GAB1: variants seen among roughly 807,000 people sequenced by gnomAD.
The protein encoded by GAB1 is GRB2-associated-binding protein 1.
GAB1 carries 19 observed loss-of-function variants against 66.5 expected under a neutral mutation model. That is an observed-to-expected ratio of 0.29 (90% CI 0.20 to 0.42). The LOEUF is 0.42. Among genes scored for constraint, GAB1 ranks in the 10% least tolerant of loss-of-function variants. The pLI is 1.00. For synonymous variants in GAB1, 294 were observed against 301.4 expected (o/e 0.98, Z 0.25); for missense variants, 732 against 858.5 (o/e 0.85, Z 1.84).
At chr4:143,427,332 A>G (rs1246412993) in intron 2 of GAB1, among the ~76,000 whole-genome samples, 1 of 152,174 alleles carries the variant, frequency 6.6e-6, no homozygotes, top group Non-Finnish European at 1.5e-5. Flanking sequence ...AGGCTTATCT[A>G]AGGGTTCCTG....
chr4:143,339,372 G>A lies in GAB1; in HGVS notation c.72+2112G>A, dbSNP rs552424256. On this transcript the variant is annotated intron_variant, in intron 1 of 9. Transcript: ENST00000262994. The stretch of plus-strand genomic sequence containing the variant: ...CTAAAAATACAAAAAATAGCCGGGC[G>A]TGGTGGTGTACGCCTGTAATCCCAG... Among the ~76,000 whole-genome samples, 13 of 152,322 alleles carry A rather than the reference G, an allele frequency of 8.5e-5. No homozygotes were observed. In the South Asian group the frequency reaches 2.7e-3, roughly 32 times the overall value.
At chr4:143,391,007 C>T (rs777792747) in intron 1 of GAB1, among the ~76,000 whole-genome samples, 5 of 152,190 alleles carry the variant, frequency 3.3e-5, no homozygotes, top group East Asian at 1.9e-4. Context: ...GTCACATGGC[C>T]GCCCACATCT....
chr4:143,355,490 C>T (rs300913), intron 1 of GAB1, among the ~76,000 whole-genome samples: 101,050 of 151,990 alleles, frequency 0.66, 33,932 homozygotes, highest in African/African-American at 0.75. Flanking sequence ...TTTTTAAGTG[C>T]ACGGCACAGT....
chr4:143,464,126 A>T (rs1305386673), intron 8 of GAB1, among the ~76,000 whole-genome samples: 2 of 152,218 alleles, frequency 1.3e-5, no homozygotes, highest in Non-Finnish European at 2.9e-5. Flanking sequence ...TTTCATGATG[A>T]TTCCAGTTTC....
In GAB1 at chr4:143,375,214, C is replaced by T. The variant is rs112827224; in HGVS notation, c.72+37954C>T. 2.8e-3 allele frequency among the ~76,000 whole-genome samples: 419 copies of T among 152,340 alleles called. 3 individuals are homozygous for T. Among genetic ancestry groups the T allele is most frequent in the African/African-American group, 9.6e-3 (401 of 41,582 alleles). ...GTGCCCGCCTTGGCCTCCCAAAGTG[C>T]TGGGATTACAGGCATCAGCCACTGC... On this transcript the variant is annotated intron_variant, in intron 1 of 9. Transcript: ENST00000262994.
intron 6 of GAB1, among the ~76,000 whole-genome samples, chr4:143,446,600 A>G (rs1734558700): frequency 6.6e-6 from 1 of 152,142 alleles, no homozygotes; most frequent in Non-Finnish European, 1.5e-5. Flanking sequence ...TTCTTTTGAG[A>G]AGTGTCTGTT....
intron 7 of GAB1, among the ~76,000 whole-genome samples, chr4:143,460,065 T>C (rs1397307066): frequency 6.6e-6 from 1 of 152,064 alleles, no homozygotes; most frequent in Admixed American, 6.6e-5. Flanking sequence ...AAAATAGAAA[T>C]TCTTAAGTCT....
intron 6 of GAB1, among the ~76,000 whole-genome samples, chr4:143,450,845 C>G (rs1248806311): frequency 6.6e-6 from 1 of 151,302 alleles, no homozygotes; most frequent in Non-Finnish European, 1.5e-5. Flanking sequence ...GAGCTGAGAT[C>G]ATGCTACTGC....
intron 6 of GAB1, among the ~76,000 whole-genome samples, chr4:143,444,506 T>C (rs949032195): frequency 3.9e-5 from 6 of 152,202 alleles, no homozygotes; most frequent in African/African-American, 1.4e-4. Flanking sequence ...GGTGACTCTT[T>C]TGGCACAGTG....
At chr4:143,436,014 A>G (rs1170684571) in intron 3 of GAB1, among the ~76,000 whole-genome samples, 1 of 152,206 alleles carries the variant, frequency 6.6e-6, no homozygotes, top group African/African-American at 2.4e-5. Flanking sequence ...AGCTTTACTT[A>G]TTACTCATAA....
chr4:143,351,042 A>G (rs1406653561), intron 1 of GAB1, among the ~76,000 whole-genome samples: 1 of 152,050 alleles, frequency 6.6e-6, no homozygotes, highest in Non-Finnish European at 1.5e-5. Flanking sequence ...AGGGGCTCTG[A>G]CCCCACCGCA....
At chr4:143,438,649 C>T (rs917184735) in intron 4 of GAB1, 49 bp downstream of exon 4, 7 of 1,549,840 alleles carry the variant, frequency 4.5e-6, no homozygotes, top group Admixed American at 3.9e-5. Flanking sequence ...GATAGAAAAT[C>T]GATTTTTCTG....
At chr4:143,401,395 A>G (rs1288644415) in intron 1 of GAB1, among the ~76,000 whole-genome samples, 1 of 152,206 alleles carries the variant, frequency 6.6e-6, no homozygotes, top group Non-Finnish European at 1.5e-5. Flanking sequence ...TGTTTTAGTC[A>G]TTATTTGCTT....
At chr4:143,439,950 G>T in intron 5 of GAB1, 63 bp downstream of exon 5, 1 of 1,404,152 alleles carries the variant, frequency 7.1e-7, no homozygotes, top group Non-Finnish European at 1.0e-6. Context: ...CATAATTAGT[G>T]CCATGAGACT....
rs188005142 is a variant in GAB1, at chr4:143,428,221, C to G, written c.368-5270C>G. On this transcript the variant is annotated intron_variant, in intron 2 of 9. Coordinates refer to ENST00000262994, the MANE Select transcript of GAB1 (RefSeq NM_002039.4). ...CTTCCATTATTGTCTGCCTCTGGAC[C>G]TGTCAGATCTAGTTTTATTTCCTAG... 2.1e-3 allele frequency among the ~76,000 whole-genome samples: 321 copies of G among 152,306 alleles called. 1 individual carries two copies. The highest frequency in any genetic ancestry group is 7.3e-3 in the African/African-American group (305 of 41,572).
intron 6 of GAB1, among the ~76,000 whole-genome samples, chr4:143,446,219 G>C (rs1351355711): frequency 1.3e-5 from 2 of 152,048 alleles, no homozygotes; most frequent in Non-Finnish European, 2.9e-5. Flanking sequence ...TTGGTTCCAA[G>C]TCTTTGCTAT....
chr4:143,377,327 T>C lies in GAB1; in HGVS notation c.73-38150T>C, dbSNP rs376661694. Among the ~76,000 whole-genome samples the C allele has an allele frequency of 2.0e-5, 3 of 152,244 alleles. No individual in the cohort carries two copies. The East Asian group carries it at 5.8e-4, about 29-fold the overall frequency. On this transcript the variant is annotated intron_variant, in intron 1 of 9. Coordinates refer to ENST00000262994, the MANE Select transcript of GAB1 (RefSeq NM_002039.4). ...CAACAATGCTTTGATTAGTTCCTTT[T>C]TGGAAGCTGGCTTTTGTTGGGGGGA...
At chr4:143,395,821 T>TG in intron 1 of GAB1, 4 of 451,788 alleles carry the variant, frequency 8.9e-6, no homozygotes, top group Non-Finnish European at 1.3e-5. Flanking sequence ...TCTAAGGACT[T>TG]GGGGGTAACA....
intron 1 of GAB1, among the ~76,000 whole-genome samples, chr4:143,373,868 A>AATAAAT: frequency 4.3e-5 from 4 of 93,696 alleles, no homozygotes; most frequent in African/African-American, 1.4e-4. Context: ...TAAATAAATA[A>AATAAAT]ATATATATAT....
Sources: gnomAD v4.1 joint callset for allele counts (sites outside exome capture counted in the v4.1 genomes callset) on GRCh38, gnomAD v4.1.1 for gene constraint, MANE v1.5 for transcripts, NCBI Gene and HGNC (gene_info 2026-07-23, HGNC 2026-07-21) for gene names.